The following ADGRL2 variants were observed in gnomAD, a reference collection of about 807,000 sequenced individuals.
The protein encoded by ADGRL2 is calcium-independent alpha-latrotoxin receptor 2.
In ADGRL2, 44 loss-of-function variants were observed where a neutral mutation model predicts 157.4. The observed-to-expected ratio is 0.28, with a 90% CI of 0.22 to 0.36. The LOEUF is 0.36. Among genes scored for constraint, ADGRL2 ranks in the 10% least tolerant of loss-of-function variants. ADGRL2 has a pLI of 1.00. For missense variants in ADGRL2, 1,510 were observed against 1,768.9 expected (o/e 0.85, Z 2.63); for synonymous variants, 585 against 624.7 (o/e 0.94, Z 0.95).
chr1:81,915,767 G>A (rs562978884), intron 3 of ADGRL2, among the ~76,000 whole-genome samples: 6 of 152,254 alleles, frequency 3.9e-5, no homozygotes, highest in Admixed American at 1.3e-4. Flanking sequence ...AAACCAAAGC[G>A]GAGAGATGAA....
At position 81,990,622 on chromosome 1, in the gene ADGRL2, C is replaced by T. The variant is rs774727340; in HGVS notation, c.3887C>T (p.Pro1296Leu). The T allele has an allele frequency of 4.3e-6, 7 of 1,613,998 alleles. No homozygotes were observed. In the East Asian group the frequency reaches 1.3e-4, roughly 31 times the overall value. The change falls in exon 24 of 24, where the codon CCA becomes CTA. Residue 1296 changes from proline (P) to leucine (L), a missense_variant. By Grantham distance (98) the Pro-to-Leu change is moderately conservative. Around this residue, in one of 4 missense-constraint regions of ADGRL2, gnomAD observed 327 missense variants for 310.1 expected, o/e 1.05. Coordinates refer to ENST00000686636, the MANE Select transcript of ADGRL2 (RefSeq NM_001366006.2). ...ACTCACAACCTCGAGCTCACGCTAC[C>T]AGTCAAACCTGTGATTGGAGGTAGC... Reference protein sequence around the residue: ...SKTHNLELTLPVKPVIGGSSS... With the variant: ...SKTHNLELTLLVKPVIGGSSS...
At chr1:81,714,774 A>G (rs543308594) in intron 1 of ADGRL2, among the ~76,000 whole-genome samples, 1 of 152,228 alleles carries the variant, frequency 6.6e-6, no homozygotes, top group African/African-American at 2.4e-5. Context: ...TCCTGTAACA[A>G]TAACTTGAGA....
intron 1 of ADGRL2, among the ~76,000 whole-genome samples, chr1:81,831,912 G>T (rs1372768780): frequency 6.6e-6 from 1 of 152,058 alleles, no homozygotes; most frequent in Non-Finnish European, 1.5e-5. Context: ...TGGGATCTAA[G>T]CTCTGCTGCT....
intron 1 of ADGRL2, among the ~76,000 whole-genome samples, chr1:81,806,626 A>G (rs919022654): frequency 6.6e-6 from 1 of 152,072 alleles, no homozygotes; most frequent in African/African-American, 2.4e-5. Context: ...TTCTATCAAA[A>G]TATTTATTTG....
intron 1 of ADGRL2, among the ~76,000 whole-genome samples, chr1:81,337,177 T>A (rs754152432): frequency 2.0e-5 from 3 of 152,198 alleles, no homozygotes; most frequent in Non-Finnish European, 4.4e-5. Flanking sequence ...CTGGCATTTA[T>A]CATCTTCAAT....
intron 3 of ADGRL2, among the ~76,000 whole-genome samples, chr1:81,611,561 T>C (rs2081541246): frequency 6.6e-6 from 1 of 152,244 alleles, no homozygotes; most frequent in Non-Finnish European, 1.5e-5. Context: ...GACTTTTCTA[T>C]GTATAATTAC....
intron 17 of ADGRL2, among the ~76,000 whole-genome samples, chr1:81,973,253 C>T (rs556608538): frequency 1.3e-4 from 20 of 152,104 alleles, no homozygotes; most frequent in African/African-American, 4.6e-4. Flanking sequence ...TCAAGTATTC[C>T]TGGGAAAACT....
chr1:81,968,004 A>G lies in ADGRL2; in HGVS notation c.2350-22A>G, dbSNP rs770983630. 7 of 1,601,906 alleles carry G rather than the reference A, an allele frequency of 4.4e-6. No homozygotes were observed. In the South Asian group the frequency reaches 7.7e-5, roughly 18 times the overall value. On this transcript the variant is annotated intron_variant, in intron 13 of 23. Transcript: ENST00000686636. ...TCTTAGAATATAAAATCCTAATTTTATCTTGTCATTTTATTTCCCAGCCTG... is the reference window on the plus strand; with the variant it reads ...TCTTAGAATATAAAATCCTAATTTTGTCTTGTCATTTTATTTCCCAGCCTG...
At chr1:81,660,860 C>T (rs1443616526) in intron 3 of ADGRL2, among the ~76,000 whole-genome samples, 1 of 152,110 alleles carries the variant, frequency 6.6e-6, no homozygotes. Context: ...ACAGATAAAG[C>T]ATACTTGGGT....
At chr1:81,470,685 A>T (rs1478006618) in intron 2 of ADGRL2, among the ~76,000 whole-genome samples, 1 of 152,198 alleles carries the variant, frequency 6.6e-6, no homozygotes, top group South Asian at 2.1e-4. Context: ...TTTCTGAACT[A>T]TTGAACACAC....
At chr1:81,479,014 T>C (rs2078329759) in intron 2 of ADGRL2, among the ~76,000 whole-genome samples, 2 of 152,194 alleles carry the variant, frequency 1.3e-5, no homozygotes, top group African/African-American at 2.4e-5. Context: ...GCACCATCAG[T>C]ATTTAACTCA....
intron 3 of ADGRL2, among the ~76,000 whole-genome samples, chr1:81,590,820 C>T (rs2081117793): frequency 6.6e-6 from 1 of 152,078 alleles, no homozygotes; most frequent in South Asian, 2.1e-4. Flanking sequence ...CTACCGAGAG[C>T]TATCCCAGTC....
intron 1 of ADGRL2, among the ~76,000 whole-genome samples, chr1:81,307,932 A>G (rs561538445): frequency 3.9e-5 from 6 of 152,324 alleles, no homozygotes; most frequent in Non-Finnish European, 8.8e-5. Context: ...CTACACAAGT[A>G]TTACTGTGCA....
intron 1 of ADGRL2, among the ~76,000 whole-genome samples, chr1:81,802,632 GGA>G (rs1415700078): frequency 6.6e-6 from 1 of 152,076 alleles, no homozygotes; most frequent in Non-Finnish European, 1.5e-5. Flanking sequence ...GGGGGCCTGG[GGA>G]GGAGGAGTGT....
chr1:81,577,232 C>T (rs1394613730), intron 2 of ADGRL2, among the ~76,000 whole-genome samples: 1 of 152,138 alleles, frequency 6.6e-6, no homozygotes, highest in Non-Finnish European at 1.5e-5. Context: ...CGGTAGCATG[C>T]GACTCTTGAT....
rs1255752695 is a variant in ADGRL2 at position 81,993,444 on chromosome 1, G to A, written c.*2299G>A. 6.6e-6 allele frequency among the ~76,000 whole-genome samples: 1 copy of A among 151,874 alleles called. No individual in the cohort carries two copies. The highest frequency in any genetic ancestry group is 1.5e-5 in the Non-Finnish European group (1 of 67,966). On this transcript the variant is annotated 3_prime_UTR_variant, in exon 24 of 24. Coordinates refer to ENST00000686636, the MANE Select transcript of ADGRL2 (RefSeq NM_001366006.2). The stretch of plus-strand genomic sequence containing the variant: ...AATAAATTTTTTTAAAGGCAACACT[G>A]ATTATTCAGTTAGTCCTATTTCTTT...
intron 2 of ADGRL2, among the ~76,000 whole-genome samples, chr1:81,573,324 T>C (rs1221906247): frequency 6.6e-6 from 1 of 152,056 alleles, no homozygotes; most frequent in Non-Finnish European, 1.5e-5. Context: ...GTCCCCAGGT[T>C]AGGCACCTTC....
At chr1:81,543,258 G>C (rs1200014901) in intron 2 of ADGRL2, among the ~76,000 whole-genome samples, 4 of 147,734 alleles carry the variant, frequency 2.7e-5, no homozygotes, top group Non-Finnish European at 5.9e-5. Context: ...CAAGTGTGAG[G>C]GCAGAGCCCT....
At chr1:81,796,811 C>T (rs990715129), upstream of ADGRL2, among the ~76,000 whole-genome samples, 2 of 152,118 alleles carry the variant, frequency 1.3e-5, no homozygotes, top group African/African-American at 4.8e-5. Context: ...ATTATATTTA[C>T]ATTATACTTT....
Sources: allele counts gnomAD v4.1 joint callset (sites outside exome capture counted in the v4.1 genomes callset), GRCh38; gene constraint gnomAD v4.1.1; regional missense constraint gnomAD v4.1.1; transcripts MANE v1.5; gene names NCBI Gene and HGNC (gene_info 2026-07-23, HGNC 2026-07-21).